The following KCNQ1OT1 variants were observed in gnomAD, a reference collection of about 807,000 sequenced individuals.
KCNQ1OT1 encodes the protein KCNQ1 opposite strand/antisense transcript 1, also known as KCNQ1 antisense RNA 2 (non-protein coding).
exon 1 of KCNQ1OT1, chr11:2,667,585 G>A (rs1850101962): frequency 2.5e-6 from 1 of 398,348 alleles, no homozygotes; most frequent in Admixed American, 4.4e-5. Context: ...GGGGGTCGGG[G>A]CGGGGTTGGG....
exon 1 of KCNQ1OT1, chr11:2,640,522 G>A (rs1022912310): frequency 7.6e-6 from 3 of 397,200 alleles, no homozygotes; most frequent in Non-Finnish European, 1.3e-5. Flanking sequence ...CTGGGCTCAA[G>A]CGATCCTTCT....
chr11:2,696,495 C>T, exon 1 of KCNQ1OT1: 1 of 398,664 alleles, frequency 2.5e-6, no homozygotes, highest in Non-Finnish European at 4.4e-6. Context: ...CTGGTATCTG[C>T]CAGCAGAAGT....
chr11:2,624,823 G>A lies in KCNQ1OT1; in HGVS notation n.75172C>T, dbSNP rs1246598238. ...TGACTATTCTACATACCTCATATAA[G>A]TGGAAACATACAGTACTTCTCTTCT... On this transcript the variant is annotated non_coding_transcript_exon_variant, in exon 1 of 1. Coordinates refer to ENST00000597346, the Ensembl canonical transcript of KCNQ1OT1. The surrounding 1 kb of genome is among the most constrained non-coding windows in gnomAD (Gnocchi z 4.9). The A allele has an allele frequency of 2.5e-6, 1 of 398,332 alleles. No individual in the cohort carries two copies. The highest frequency in any genetic ancestry group is 4.4e-6 in the Non-Finnish European group (1 of 226,030). The allele number at this position is 398,332 out of a possible 1,614,324, so 24.7% of individuals were successfully genotyped here.
chr11:2,640,504 T>A, exon 1 of KCNQ1OT1: 1 of 398,492 alleles, frequency 2.5e-6, no homozygotes, highest in Admixed American at 4.4e-5. Flanking sequence ...CAGGCTGGTC[T>A]TGAATTCCTG....
exon 1 of KCNQ1OT1, chr11:2,633,173 G>A (rs900503893): frequency 2.5e-6 from 1 of 398,466 alleles, no homozygotes; most frequent in Non-Finnish European, 4.4e-6. Flanking sequence ...GAGATGTTGA[G>A]CATTTTTTCA....
At chr11:2,656,836 AG>A in exon 1 of KCNQ1OT1, 1 of 398,628 alleles carries the variant, frequency 2.5e-6, no homozygotes, top group Admixed American at 4.4e-5. Flanking sequence ...TGACCTTTAT[AG>A]TTATGCTTTT....
chr11:2,681,740 C>T (rs918108486), exon 1 of KCNQ1OT1: 5 of 397,642 alleles, frequency 1.3e-5, no homozygotes, highest in African/African-American at 2.1e-5. Context: ...GGGCACTGAT[C>T]ACACACCAGG....
At chr11:2,640,719 A>G (rs1849561450) in exon 1 of KCNQ1OT1, 1 of 398,368 alleles carries the variant, frequency 2.5e-6, no homozygotes, top group Non-Finnish European at 4.4e-6. Context: ...TTATTTTGAA[A>G]TATACATTAT....
chr11:2,648,310 T>C (rs1849699298), exon 1 of KCNQ1OT1: 2 of 398,454 alleles, frequency 5.0e-6, no homozygotes, highest in Admixed American at 4.4e-5. Context: ...TTCCTTCTAA[T>C]TTTAGGTTTG....
At chr11:2,667,064 A>C in exon 1 of KCNQ1OT1, 1 of 398,652 alleles carries the variant, frequency 2.5e-6, no homozygotes, top group Non-Finnish European at 4.4e-6. Context: ...CGTCTCTGAA[A>C]TGCACGGGGG....
At position 2,671,723 on chromosome 11, in the gene KCNQ1OT1, A is replaced by G. The variant is rs1850186895; in HGVS notation, n.28272T>C. The G allele has an allele frequency of 2.5e-6, 1 of 398,590 alleles. No homozygotes were observed. The highest frequency in any genetic ancestry group is 4.4e-5 in the Admixed American group (1 of 22,722). The allele number at this position is 398,590 out of a possible 1,614,324, so 24.7% of individuals were successfully genotyped here. On this transcript the variant is annotated non_coding_transcript_exon_variant, in exon 1 of 1. Coordinates refer to ENST00000597346, the Ensembl canonical transcript of KCNQ1OT1. The surrounding 1 kb of genome is among the most constrained non-coding windows in gnomAD (Gnocchi z 4.7). ...TACTTGGGAAGTAGGGTGGTAGGCAAGGCTTTTCAGAGAACAAGGAGCTAC... is the reference window on the plus strand; with the variant it reads ...TACTTGGGAAGTAGGGTGGTAGGCAGGGCTTTTCAGAGAACAAGGAGCTAC...
At position 2,658,614 on chromosome 11, in the gene KCNQ1OT1, T is replaced by C. The variant is rs779241879; in HGVS notation, n.41381A>G. The C allele has an allele frequency of 1.2e-4, 46 of 398,390 alleles. No homozygotes were observed. The highest frequency in any genetic ancestry group is 1.8e-4 in the Non-Finnish European group (40 of 226,044). 24.7% of individuals were successfully genotyped at this position (398,390 alleles called of 1,614,324 possible). On this transcript the variant is annotated non_coding_transcript_exon_variant, in exon 1 of 1. Transcript: ENST00000597346. The surrounding 1 kb of genome is among the most constrained non-coding windows in gnomAD (Gnocchi z 4.9). The stretch of plus-strand genomic sequence containing the variant: ...CTGGAGAATGAATAGAAAACCTGGA[T>C]CTAGGCACGGGGTATGCTCGTGGCT...
At chr11:2,622,880 C>T (rs1849198355) in exon 1 of KCNQ1OT1, 4 of 398,658 alleles carry the variant, frequency 1.0e-5, no homozygotes, top group Middle Eastern at 6.3e-4. Flanking sequence ...TGCATTTACA[C>T]ATTATTATCA....
Position 2,671,959 on chromosome 11 carries a change from T to C in KCNQ1OT1, n.28036A>G. On this transcript the variant is annotated non_coding_transcript_exon_variant, in exon 1 of 1. Transcript: ENST00000597346. The surrounding 1 kb of genome is among the most constrained non-coding windows in gnomAD (Gnocchi z 4.7). ...GTCTCTGTATCTGGGGTAGAAAGAG[T>C]GGGCTAAAAAGTCAGCTAGCACCCC... 1 of 398,340 alleles carries C rather than the reference T, an allele frequency of 2.5e-6. No individual in the cohort carries two copies. The highest frequency in any genetic ancestry group is 4.4e-6 in the Non-Finnish European group (1 of 226,022). 24.7% of individuals were successfully genotyped at this position (398,340 alleles called of 1,614,324 possible).
At position 2,672,384 on chromosome 11, in the gene KCNQ1OT1, C is replaced by T; in HGVS notation, n.27611G>A. 1.2e-5 allele frequency: 4 copies of T among 346,784 alleles called. No individual in the cohort carries two copies. The East Asian group carries it at 1.5e-4, about 13-fold the overall frequency. The allele number at this position is 346,784 out of a possible 1,614,324, so 21.5% of individuals were successfully genotyped here. On this transcript the variant is annotated non_coding_transcript_exon_variant, in exon 1 of 1. Transcript: ENST00000597346. ...GCCTTCACAGGCTGATATGATTGAG[C>T]TCAGGCTGGTATGGGTTAGGGGATG...
At position 2,662,293 on chromosome 11, in the gene KCNQ1OT1, T is replaced by C. The variant is rs554041638; in HGVS notation, n.37702A>G. 6.5e-4 allele frequency: 398 copies of C among 608,018 alleles called. No individual in the cohort carries two copies. The highest frequency in any genetic ancestry group is 1.1e-3 in the Non-Finnish European group (363 of 344,096). The allele number at this position is 608,018 out of a possible 1,614,324, so 37.7% of individuals were successfully genotyped here. On this transcript the variant is annotated non_coding_transcript_exon_variant, in exon 1 of 1. Transcript: ENST00000597346. Reference sequence around the variant, plus strand: ...CACTGAGCCTGGGAACATGATCCTCTTGTTTTGACTTATGGAAAACCAGAC... The same window carrying C: ...CACTGAGCCTGGGAACATGATCCTCCTGTTTTGACTTATGGAAAACCAGAC...
At chr11:2,686,121 C>A in exon 1 of KCNQ1OT1, 3 of 398,758 alleles carry the variant, frequency 7.5e-6, no homozygotes, top group Non-Finnish European at 4.4e-6. Context: ...TAGGCCTTTG[C>A]CCTGTCTCGC....
chr11:2,683,966 T>C lies in KCNQ1OT1; in HGVS notation n.16029A>G, dbSNP rs1850442358. On this transcript the variant is annotated non_coding_transcript_exon_variant, in exon 1 of 1. Transcript: ENST00000597346. This position sits in a 1 kb window ranked among gnomAD's most constrained non-coding sequence, Gnocchi z 4.7. ...AACCAGCTGACTGCTTTTACTTTTT[T>C]TTTTTTTTCATTTAGAAGAATTTCC... 2.5e-6 allele frequency: 1 copy of C among 398,514 alleles called. No individual in the cohort carries two copies. Among genetic ancestry groups the C allele is most frequent in the Non-Finnish European group, 4.4e-6 (1 of 226,028 alleles). The allele number at this position is 398,514 out of a possible 1,614,324, so 24.7% of individuals were successfully genotyped here.
chr11:2,647,085 T>C lies in KCNQ1OT1; in HGVS notation n.52910A>G. The stretch of plus-strand genomic sequence containing the variant: ...TTCTAGTTCTAAGAGAGAAGGTGTT[T>C]AGCTTTTCCCCAGGTGGCTGTGGGT... On this transcript the variant is annotated non_coding_transcript_exon_variant, in exon 1 of 1. Coordinates refer to ENST00000597346, the Ensembl canonical transcript of KCNQ1OT1. This position sits in a 1 kb window ranked among gnomAD's most constrained non-coding sequence, Gnocchi z 4.0. The C allele has an allele frequency of 2.5e-6, 1 of 398,588 alleles. No individual in the cohort carries two copies. Among genetic ancestry groups the C allele is most frequent in the Non-Finnish European group, 4.4e-6 (1 of 226,050 alleles). The allele number at this position is 398,588 out of a possible 1,614,324, so 24.7% of individuals were successfully genotyped here.
Sources: allele counts gnomAD v4.1 joint callset, GRCh38; gene constraint gnomAD v4.1.1; non-coding constraint Gnocchi (gnomAD v3.1); transcripts MANE v1.5; gene names NCBI Gene and HGNC (gene_info 2026-07-23, HGNC 2026-07-21).